PPFIBP1: variants seen among roughly 807,000 people sequenced by gnomAD.
The protein encoded by PPFIBP1 is PPFIB scaffold protein 1.
A neutral mutation model predicts 137.8 loss-of-function variants in PPFIBP1; 112 were observed. The observed-to-expected ratio is 0.81, with a 90% confidence interval of 0.70 to 0.95. The LOEUF (loss-of-function observed/expected upper bound fraction) is 0.95, where lower values mean the gene tolerates loss of function less well. PPFIBP1 is among the 40% of genes least tolerant of loss of function. The probability of loss-of-function intolerance (pLI) is 0.00; values close to 1 mark genes in which losing one functional copy is unlikely to be tolerated. For missense variants in PPFIBP1, 1,083 were observed against 1,196.6 expected, an observed-to-expected ratio of 0.91 and a Z score of 1.40; for synonymous variants, 378 against 417.3, an observed-to-expected ratio of 0.91 and a Z score of 1.15.
At chr12:27,647,453 T>C (rs7959051) in intron 5 of PPFIBP1, among the ~76,000 whole-genome samples, 150,985 of 152,332 alleles carry the variant, frequency 0.99, 74,837 homozygotes, top group East Asian at 1. Context: ...CATGCTGTCT[T>C]TCATAAATGG....
At chr12:27,688,589 T>G (rs764446926) in intron 26 of PPFIBP1, among the ~76,000 whole-genome samples, 166 bp downstream of exon 26, 2 of 152,264 alleles carry the variant, frequency 1.3e-5, no homozygotes, top group Non-Finnish European at 2.9e-5. Context: ...TGATATCTTA[T>G]AACTCTAGAT....
chr12:27,649,211 G>A (rs577216494), intron 6 of PPFIBP1, among the ~76,000 whole-genome samples: 4 of 152,258 alleles, frequency 2.6e-5, no homozygotes, highest in East Asian at 3.9e-4. Flanking sequence ...GCAAAACCTC[G>A]TAGGTTTCCA....
rs1436266982 is a variant in PPFIBP1 at position 27,643,574 on chromosome 12, G to A, written c.271-2488G>A. On this transcript the variant is annotated intron_variant, in intron 4 of 29. Coordinates refer to ENST00000228425, the MANE Select transcript of PPFIBP1 (RefSeq NM_003622.4). Reference sequence around the variant, plus strand: ...AAGAAAGGGTGGGAAAAGACGGTCCGTGCAGAAGGAATAAAAGTAGTGTGT... The same window carrying A: ...AAGAAAGGGTGGGAAAAGACGGTCCATGCAGAAGGAATAAAAGTAGTGTGT... 3.5e-4 allele frequency among the ~76,000 whole-genome samples: 42 copies of A among 120,092 alleles called. 1 individual carries two copies. Among genetic ancestry groups the A allele is most frequent in the Admixed American group, 1.1e-3 (13 of 12,108 alleles). The allele number at this position is 120,092 out of a possible 152,430, so 78.8% of individuals were successfully genotyped here. A position where few individuals can be genotyped will look rare whatever the true frequency, so the allele number is the denominator to read the frequency against.
chr12:27,596,558 G>A (rs1291741364), intron 2 of PPFIBP1, among the ~76,000 whole-genome samples: 1 of 152,076 alleles, frequency 6.6e-6, no homozygotes, highest in Non-Finnish European at 1.5e-5. Flanking sequence ...GTCTCACTCT[G>A]TTGCCCAGGC....
intron 2 of PPFIBP1, among the ~76,000 whole-genome samples, chr12:27,618,794 T>C (rs1343278938): frequency 1.3e-5 from 2 of 152,200 alleles, no homozygotes; most frequent in African/African-American, 4.8e-5. Context: ...TCAGAATAAA[T>C]CTCTTCAAAA....
chr12:27,597,761 G>A (rs566941138), intron 2 of PPFIBP1, among the ~76,000 whole-genome samples: 3 of 152,226 alleles, frequency 2.0e-5, no homozygotes, highest in East Asian at 1.9e-4. Flanking sequence ...TCAAAGGGAG[G>A]CAGCCTCAGA....
At chr12:27,644,244 G>GTTTTTTTTTTTTTTTTTTTTGTTT (rs2058315596) in intron 4 of PPFIBP1, among the ~76,000 whole-genome samples, 1 of 117,742 alleles carries the variant, frequency 8.5e-6, no homozygotes, top group South Asian at 3.5e-4. Context: ...GCTTGGCTAA[G>GTTTTTTTTTTTTTTTTTTTTGTTT]TTTTTTTTTT....
intron 1 of PPFIBP1, among the ~76,000 whole-genome samples, chr12:27,572,972 T>G (rs1466959198): frequency 6.6e-6 from 1 of 152,170 alleles, no homozygotes; most frequent in African/African-American, 2.4e-5. Context: ...CACAAAGAAA[T>G]AAGTTTGAAG....
At chr12:27,588,969 T>G (rs1463955705) in intron 2 of PPFIBP1, among the ~76,000 whole-genome samples, 2 of 152,206 alleles carry the variant, frequency 1.3e-5, no homozygotes, top group African/African-American at 4.8e-5. Context: ...CATGACTGGC[T>G]CCCTCAGTGA....
intron 2 of PPFIBP1, among the ~76,000 whole-genome samples, chr12:27,588,655 A>T (rs2052084655): frequency 6.6e-6 from 1 of 152,202 alleles, no homozygotes; most frequent in Admixed American, 6.5e-5. Flanking sequence ...TTATTGCTGC[A>T]GGTGAGGAAA....
chr12:27,589,843 C>G (rs536013180), intron 2 of PPFIBP1, among the ~76,000 whole-genome samples: 1 of 152,266 alleles, frequency 6.6e-6, no homozygotes, highest in Admixed American at 6.5e-5. Flanking sequence ...AGTGTCTAGT[C>G]TAAAGCAACA....
intron 1 of PPFIBP1, among the ~76,000 whole-genome samples, chr12:27,556,289 A>G (rs2048697154): frequency 6.6e-6 from 1 of 152,254 alleles, no homozygotes; most frequent in Non-Finnish European, 1.5e-5. Context: ...TGTTAATGAA[A>G]CACATAAATA....
At chr12:27,597,376 G>A (rs534019012) in intron 2 of PPFIBP1, among the ~76,000 whole-genome samples, 8 of 152,146 alleles carry the variant, frequency 5.3e-5, no homozygotes, top group Admixed American at 2.6e-4. Context: ...GGCTGGTCCC[G>A]AACCCCTGAC....
At chr12:27,674,358 A>G (rs1402479620) in intron 17 of PPFIBP1, 137 bp downstream of exon 17, 5 of 577,540 alleles carry the variant, frequency 8.7e-6, no homozygotes, top group Admixed American at 3.5e-5. Flanking sequence ...CAAAGTTCAC[A>G]TATTATATGA....
intron 23 of PPFIBP1, 37 bp downstream of exon 23, chr12:27,682,535 TA>T: frequency 6.2e-7 from 1 of 1,602,720 alleles, no homozygotes; most frequent in Non-Finnish European, 8.5e-7. Flanking sequence ...GAAATAATTA[TA>T]TACATAGTTG....
intron 12 of PPFIBP1, among the ~76,000 whole-genome samples, chr12:27,666,412 A>G (rs897031071): frequency 5.9e-5 from 9 of 152,234 alleles, no homozygotes; most frequent in Non-Finnish European, 1.2e-4. Context: ...TAAATTAAGA[A>G]GCTGTGGTCT....
intron 1 of PPFIBP1, among the ~76,000 whole-genome samples, chr12:27,536,749 A>C (rs925502231): frequency 1.3e-5 from 2 of 152,128 alleles, no homozygotes; most frequent in Admixed American, 6.5e-5. Flanking sequence ...TACAAAACGC[A>C]AATTCAAAAT....
intron 19 of PPFIBP1, chr12:27,678,033 C>T (rs185271757): frequency 1.6e-4 from 24 of 152,260 alleles, no homozygotes; most frequent in African/African-American, 5.8e-4. Context: ...CTTAGAAGAA[C>T]TGTTTTGTTA....
intron 1 of PPFIBP1, among the ~76,000 whole-genome samples, chr12:27,570,397 G>A (rs954209792): frequency 2.0e-5 from 3 of 152,072 alleles, no homozygotes; most frequent in Non-Finnish European, 4.4e-5. Flanking sequence ...TAAAAGTTGT[G>A]GACATGGGGT....
Sources: allele counts gnomAD v4.1 joint callset (sites outside exome capture counted in the v4.1 genomes callset), GRCh38; gene constraint gnomAD v4.1.1; transcripts MANE v1.5; gene names NCBI Gene and HGNC (gene_info 2026-07-23, HGNC 2026-07-21).